Variants in LMX1A observed in about 807,000 individuals in gnomAD.
The protein encoded by LMX1A is LIM homeobox transcription factor 1-alpha.
Under a neutral mutation model 49.1 loss-of-function variants are expected in LMX1A, and 15 were observed. The observed-to-expected ratio is 0.31, with a 90% CI of 0.20 to 0.47. LMX1A has a LOEUF of 0.47. Among genes scored for constraint, LMX1A ranks in the 20% least tolerant of loss-of-function variants. The pLI is 1.00. For synonymous variants in LMX1A, 167 were observed against 185.7 expected, an observed-to-expected ratio of 0.90 and a Z score of 0.82; for missense variants, 372 against 475.8, an observed-to-expected ratio of 0.78 and a Z score of 2.03.
intron 4 of LMX1A, among the ~76,000 whole-genome samples, chr1:165,225,474 A>T (rs1485399317): frequency 6.6e-6 from 1 of 152,240 alleles, no homozygotes; most frequent in East Asian, 1.9e-4. Context: ...CAGTACCATC[A>T]CAAACACTTT....
intron 3 of LMX1A, among the ~76,000 whole-genome samples, chr1:165,274,190 T>C (rs897273236): frequency 5.3e-5 from 8 of 152,324 alleles, no homozygotes; most frequent in South Asian, 4.1e-4. Flanking sequence ...ACCTTTCAGG[T>C]CCAACTATGG....
At chr1:165,274,397 T>TA (rs1375617141) in intron 3 of LMX1A, among the ~76,000 whole-genome samples, 1 of 152,338 alleles carries the variant, frequency 6.6e-6, no homozygotes, top group Admixed American at 6.5e-5. Flanking sequence ...CCTCAGAACA[T>TA]AGTATACTAC....
intron 4 of LMX1A, among the ~76,000 whole-genome samples, chr1:165,215,136 T>C (rs990569305): frequency 6.6e-6 from 1 of 151,956 alleles, no homozygotes; most frequent in Non-Finnish European, 1.5e-5. Context: ...TGGGCAAAGC[T>C]CCGTCTCTAC....
At chr1:165,270,920 T>C (rs1248866044) in intron 3 of LMX1A, among the ~76,000 whole-genome samples, 1 of 152,178 alleles carries the variant, frequency 6.6e-6, no homozygotes, top group Non-Finnish European at 1.5e-5. Context: ...CAGTGACAAT[T>C]TCCTCTTCCA....
intron 4 of LMX1A, among the ~76,000 whole-genome samples, chr1:165,239,839 C>A (rs1446034945): frequency 6.6e-6 from 1 of 152,170 alleles, no homozygotes; most frequent in Admixed American, 6.5e-5. Context: ...CTGCACCAAG[C>A]CTTTGGGCCC....
chr1:165,321,275 G>A (rs1176673645), intron 3 of LMX1A, among the ~76,000 whole-genome samples: 1 of 152,152 alleles, frequency 6.6e-6, no homozygotes, highest in African/African-American at 2.4e-5. Context: ...TGGATACAGA[G>A]TTTCTTTGGA....
rs140336968 is a variant in LMX1A at position 165,322,411 on chromosome 1, G to A, written c.263+30665C>T. On this transcript the variant is annotated intron_variant, in intron 3 of 8. Coordinates refer to ENST00000342310, the MANE Select transcript of LMX1A (RefSeq NM_177398.4). ...AGCATTGATTCACAATAGTCAAAAG[G>A]TAGAAACAACCCAAATGTCTACCAA... 2.6e-5 allele frequency among the ~76,000 whole-genome samples: 4 copies of A among 152,226 alleles called. No homozygotes were observed. In the East Asian group the frequency reaches 7.7e-4, roughly 29 times the overall value.
intron 5 of LMX1A, 25 bp downstream of exon 5, chr1:165,213,615 CT>C: frequency 6.2e-7 from 1 of 1,601,984 alleles, no homozygotes; most frequent in Non-Finnish European, 8.5e-7. Flanking sequence ...GGCCCAGCTC[CT>C]TTTCCTCCCT....
At chr1:165,287,313 TA>T (rs1445764151) in intron 3 of LMX1A, among the ~76,000 whole-genome samples, 2 of 152,138 alleles carry the variant, frequency 1.3e-5, no homozygotes, top group East Asian at 1.9e-4. Context: ...TCTAAAGGAC[TA>T]AAAAAACTGA....
intron 3 of LMX1A, among the ~76,000 whole-genome samples, chr1:165,299,350 G>A (rs1056934153): frequency 6.6e-6 from 1 of 152,234 alleles, no homozygotes; most frequent in Non-Finnish European, 1.5e-5. Flanking sequence ...TAGCTGGATG[G>A]CTGTTTGGGG....
chr1:165,332,351 T>A (rs2101753512), intron 3 of LMX1A, among the ~76,000 whole-genome samples: 1 of 152,146 alleles, frequency 6.6e-6, no homozygotes, highest in Admixed American at 6.5e-5. Flanking sequence ...AGAGATAGAA[T>A]GTCAGAATGG....
chr1:165,353,748 CT>C (rs1464497479), intron 2 of LMX1A, among the ~76,000 whole-genome samples: 9 of 152,176 alleles, frequency 5.9e-5, no homozygotes, highest in African/African-American at 2.2e-4. Context: ...TTTCTCTTTT[CT>C]TCCTAAAAAG....
chr1:165,218,031 T>C (rs1008325929), intron 4 of LMX1A, among the ~76,000 whole-genome samples: 1 of 152,230 alleles, frequency 6.6e-6, no homozygotes, highest in African/African-American at 2.4e-5. Flanking sequence ...TCTGCAATTG[T>C]AGCACAGAAA....
At chr1:165,324,468 T>A (rs960165263) in intron 3 of LMX1A, among the ~76,000 whole-genome samples, 2 of 152,172 alleles carry the variant, frequency 1.3e-5, no homozygotes, top group African/African-American at 4.8e-5. Context: ...TGAGTGAAAT[T>A]ACTGATTGAA....
At chr1:165,240,085 T>G (rs1155015) in intron 4 of LMX1A, among the ~76,000 whole-genome samples, 152,063 of 152,308 alleles carry the variant, frequency 1, 75,909 homozygotes, top group Middle Eastern at 1. Flanking sequence ...ATAAATGGAA[T>G]AGACAATATC....
At chr1:165,315,405 G>T (rs1295836618) in intron 3 of LMX1A, among the ~76,000 whole-genome samples, 1 of 152,186 alleles carries the variant, frequency 6.6e-6, no homozygotes, top group African/African-American at 2.4e-5. Flanking sequence ...CCCAGGCCCA[G>T]CACATCAGCA....
chr1:165,247,506 A>G (rs1338522479), intron 4 of LMX1A, among the ~76,000 whole-genome samples: 4 of 152,196 alleles, frequency 2.6e-5, no homozygotes, highest in Non-Finnish European at 5.9e-5. Context: ...TGTTCCTGAC[A>G]AGGAGAAATT....
chr1:165,335,381 A>G (rs1419535977), intron 3 of LMX1A, among the ~76,000 whole-genome samples: 1 of 152,244 alleles, frequency 6.6e-6, no homozygotes, highest in African/African-American at 2.4e-5. Flanking sequence ...TCCATTCACT[A>G]AATTAATAAT....
chr1:165,269,304 T>C (rs1341976226), intron 3 of LMX1A, among the ~76,000 whole-genome samples: 1 of 152,184 alleles, frequency 6.6e-6, no homozygotes, highest in South Asian at 2.1e-4. Context: ...ATAATAGACA[T>C]TGCGGATAAG....
Sources: allele counts gnomAD v4.1 joint callset (sites outside exome capture counted in the v4.1 genomes callset), GRCh38; gene constraint gnomAD v4.1.1; transcripts MANE v1.5; gene names NCBI Gene and HGNC (gene_info 2026-07-23, HGNC 2026-07-21).